Variants in UBE2G1 observed in about 807,000 individuals in gnomAD.
UBE2G1 encodes the protein ubiquitin-conjugating enzyme E2 G1.
Under a neutral mutation model 22.7 loss-of-function variants are expected in UBE2G1, and 5 were observed. The ratio of observed to expected loss-of-function variants is 0.22; its 90% confidence interval spans 0.12 to 0.46. The LOEUF (loss-of-function observed/expected upper bound fraction) is 0.46. Ranked by LOEUF, UBE2G1 falls within the 20% of genes least tolerant of loss-of-function variation. The probability of loss-of-function intolerance (pLI) is 0.99; values close to 1 mark genes in which losing one functional copy is unlikely to be tolerated. For synonymous variants in UBE2G1, 74 were observed against 67.5 expected, an observed-to-expected ratio of 1.10 and a Z score of -0.47; for missense variants, 88 against 203.9, an observed-to-expected ratio of 0.43 and a Z score of 3.46.
chr17:4,354,086 T>C (rs1225038945), intron 1 of UBE2G1, among the ~76,000 whole-genome samples: 1 of 152,148 alleles, frequency 6.6e-6, no homozygotes, highest in Non-Finnish European at 1.5e-5. Context: ...TCTTTCAGCA[T>C]AAACTTTGTC....
chr17:4,364,051 T>G (rs1275981735), intron 1 of UBE2G1: 1 of 146,174 alleles, frequency 6.8e-6, no homozygotes, highest in Non-Finnish European at 1.5e-5. Context: ...GATCACCAGG[T>G]CAGGAGTTCA....
rs142389288 is a variant in UBE2G1, at chr17:4,332,633, C to A, written c.47-25510G>T. Among the ~76,000 whole-genome samples the A allele has an allele frequency of 7.9e-4, 120 of 152,126 alleles. 1 individual carries two copies. Among genetic ancestry groups the A allele is most frequent in the African/African-American group, 2.7e-3 (112 of 41,492 alleles). ...CTGCCACCGCAGGGGCTTTAACCAG[C>A]ATCTCTCTCCAACCTTCAGCTAAGT... On this transcript the variant is annotated intron_variant, in intron 1 of 5. Transcript: ENST00000396981.
intron 2 of UBE2G1, among the ~76,000 whole-genome samples, chr17:4,298,548 T>TA (rs1413083273): frequency 6.6e-6 from 1 of 152,064 alleles, no homozygotes; most frequent in East Asian, 1.9e-4. Context: ...AGATTAAGTT[T>TA]AAAAAAAGAG....
chr17:4,362,373 G>T (rs1025518710), intron 1 of UBE2G1, among the ~76,000 whole-genome samples: 2 of 152,160 alleles, frequency 1.3e-5, no homozygotes, highest in Non-Finnish European at 2.9e-5. Flanking sequence ...TTTGGCAATG[G>T]AGACATTTAT....
At position 4,333,397 on chromosome 17, in the gene UBE2G1, G is replaced by GC. The variant is rs1489566539; in HGVS notation, c.47-26275dup. Among the ~76,000 whole-genome samples the GC allele has an allele frequency of 2.0e-5, 3 of 152,140 alleles. No homozygotes were observed. In the East Asian group the frequency reaches 5.8e-4, roughly 29 times the overall value. On this transcript the variant is annotated intron_variant, in intron 1 of 5. Transcript: ENST00000396981. ...AAAATATGTAAAATGTAAAAGACGG[G>GC]CCGGGCACGGTGGCTCTGTCTGTGA...
chr17:4,314,727 A>G (rs1415253488), intron 1 of UBE2G1, among the ~76,000 whole-genome samples: 15 of 152,206 alleles, frequency 9.9e-5, no homozygotes, highest in Admixed American at 9.8e-4. Flanking sequence ...AAATGAACAA[A>G]CCACCACATA....
intron 1 of UBE2G1, among the ~76,000 whole-genome samples, chr17:4,340,671 T>C (rs1162400768): frequency 6.6e-6 from 1 of 152,188 alleles, no homozygotes. Flanking sequence ...TCCCCAGCCA[T>C]GCAGAACTGT....
intron 2 of UBE2G1, chr17:4,302,240 C>A: frequency 2.1e-6 from 1 of 474,940 alleles, no homozygotes. Flanking sequence ...ATGTCGTTAT[C>A]AGCTCCCACA....
intron 1 of UBE2G1, among the ~76,000 whole-genome samples, chr17:4,325,088 CCAAA>C (rs774900699): frequency 2.0e-5 from 3 of 149,878 alleles, no homozygotes; most frequent in Admixed American, 6.6e-5. Context: ...AAAAAACCAA[CCAAA>C]CAAACAAAAA....
chr17:4,276,804 T>A (rs192642953), intron 5 of UBE2G1, among the ~76,000 whole-genome samples: 5 of 152,220 alleles, frequency 3.3e-5, no homozygotes, highest in Admixed American at 1.3e-4. Context: ...GGATGCAAGC[T>A]TAGACAAAGG....
At chr17:4,327,986 T>C (rs534478300) in intron 1 of UBE2G1, among the ~76,000 whole-genome samples, 237 of 152,342 alleles carry the variant, frequency 1.6e-3, no homozygotes, top group African/African-American at 4.4e-3. Flanking sequence ...CTTTCCTTTG[T>C]GTAGAGCTTC....
rs1005575681 is a variant in UBE2G1, at chr17:4,272,084, A to T, written c.*470T>A. Reference sequence around the variant, plus strand: ...CAAGGGTTTAAGGGAAATTAAATGGAAACTTTTAATCCTAATTGCTTTTCA... The same window carrying T: ...CAAGGGTTTAAGGGAAATTAAATGGTAACTTTTAATCCTAATTGCTTTTCA... On this transcript the variant is annotated 3_prime_UTR_variant, in exon 6 of 6. Transcript: ENST00000396981. 1 of 152,572 alleles carries T rather than the reference A, an allele frequency of 6.6e-6. No homozygotes were observed. The highest frequency in any genetic ancestry group is 1.5e-5 in the Non-Finnish European group (1 of 68,042). The allele number at this position is 152,572 out of a possible 1,614,324, so 9.5% of individuals were successfully genotyped here.
chr17:4,315,591 A>T (rs868150896), intron 1 of UBE2G1, among the ~76,000 whole-genome samples: 128 of 151,254 alleles, frequency 8.5e-4, no homozygotes, highest in African/African-American at 3.0e-3. Flanking sequence ...ATACAAAAAA[A>T]TAGCCGGGCG....
At chr17:4,340,588 T>C (rs947384629) in intron 1 of UBE2G1, among the ~76,000 whole-genome samples, 4 of 152,112 alleles carry the variant, frequency 2.6e-5, no homozygotes, top group Non-Finnish European at 5.9e-5. Flanking sequence ...GCACTGCACT[T>C]CTCTCTCCTG....
intron 2 of UBE2G1, among the ~76,000 whole-genome samples, chr17:4,303,379 A>G (rs1969209281): frequency 1.3e-5 from 2 of 152,344 alleles, no homozygotes; most frequent in Middle Eastern, 3.4e-3. Context: ...AAAACTGCAA[A>G]AGGGGAAAAA....
At chr17:4,331,633 A>G (rs922451570) in intron 1 of UBE2G1, 4 of 152,244 alleles carry the variant, frequency 2.6e-5, no homozygotes, top group African/African-American at 9.6e-5. Context: ...AAATTTTTCT[A>G]AAGAAATTAA....
intron 1 of UBE2G1, among the ~76,000 whole-genome samples, chr17:4,349,668 C>G (rs1969820391): frequency 1.3e-5 from 2 of 151,818 alleles, no homozygotes; most frequent in African/African-American, 4.8e-5. Flanking sequence ...ACGGTGAAAC[C>G]CCGTCTCTAC....
chr17:4,351,098 C>CTT (rs1252127456), intron 1 of UBE2G1, among the ~76,000 whole-genome samples: 2 of 150,466 alleles, frequency 1.3e-5, no homozygotes, highest in African/African-American at 4.9e-5. Context: ...ACTCGGGACT[C>CTT]TGAGACAGGA....
intron 2 of UBE2G1, among the ~76,000 whole-genome samples, chr17:4,306,792 C>T (rs762403673): frequency 1.5e-4 from 23 of 152,000 alleles, no homozygotes; most frequent in Non-Finnish European, 3.1e-4. Flanking sequence ...GCTGGGACTA[C>T]AGGTGCATGC....
Sources: gnomAD v4.1 joint callset for allele counts (sites outside exome capture counted in the v4.1 genomes callset) on GRCh38, gnomAD v4.1.1 for gene constraint, MANE v1.5 for transcripts, NCBI Gene and HGNC (gene_info 2026-07-23, HGNC 2026-07-21) for gene names.